MAML3: variants seen among roughly 807,000 people sequenced by gnomAD.
The protein encoded by MAML3 is mastermind-like protein 3.
A neutral mutation model predicts 101.9 loss-of-function variants in MAML3; 27 were observed. The ratio of observed to expected loss-of-function variants is 0.27; its 90% confidence interval spans 0.20 to 0.37. The LOEUF (loss-of-function observed/expected upper bound fraction) is 0.37. MAML3 is among the 10% of genes least tolerant of loss of function. The probability of loss-of-function intolerance (pLI) is 1.00; values close to 1 mark genes in which losing one functional copy is unlikely to be tolerated. For missense variants in MAML3, 1,316 were observed against 1,444.9 expected (o/e 0.91, Z 1.45); for synonymous variants, 501 against 555.9 (o/e 0.90, Z 1.39).
chr4:139,858,452 CTTTTTTTTTT>C (rs59968954), intron 2 of MAML3, among the ~76,000 whole-genome samples: 4 of 131,388 alleles, frequency 3.0e-5, no homozygotes, highest in Non-Finnish European at 4.8e-5. Flanking sequence ...TGATTCTTGG[CTTTTTTTTTT>C]TTTTTTTTTT....
At chr4:139,862,850 T>C (rs1036752787) in intron 2 of MAML3, among the ~76,000 whole-genome samples, 1 of 152,166 alleles carries the variant, frequency 6.6e-6, no homozygotes, top group African/African-American at 2.4e-5. Context: ...CAGGCTGGAT[T>C]TGAACCTTGG....
intron 1 of MAML3, among the ~76,000 whole-genome samples, chr4:140,132,135 T>C (rs1374386505): frequency 2.0e-5 from 3 of 152,222 alleles, no homozygotes; most frequent in Admixed American, 1.3e-4. Flanking sequence ...TACGGACCTC[T>C]TACTGGTACA....
intron 1 of MAML3, among the ~76,000 whole-genome samples, chr4:140,105,105 T>C (rs1728329080): frequency 6.6e-6 from 1 of 152,158 alleles, no homozygotes; most frequent in Admixed American, 6.5e-5. Context: ...TGAAACTCCC[T>C]GACTTAGCTG....
At chr4:140,003,885 C>G (rs1279265516) in intron 1 of MAML3, among the ~76,000 whole-genome samples, 1 of 152,194 alleles carries the variant, frequency 6.6e-6, no homozygotes, top group Non-Finnish European at 1.5e-5. Flanking sequence ...GCTTTAAGTT[C>G]CCACAAGGAA....
intron 1 of MAML3, among the ~76,000 whole-genome samples, chr4:139,958,570 A>G (rs1733952020): frequency 6.6e-6 from 1 of 152,216 alleles, no homozygotes; most frequent in African/African-American, 2.4e-5. Context: ...ATGCTCCATG[A>G]GAGAGGTGGC....
intron 1 of MAML3, among the ~76,000 whole-genome samples, chr4:140,089,423 T>C (rs974781184): frequency 1.3e-5 from 2 of 152,222 alleles, no homozygotes; most frequent in African/African-American, 2.4e-5. Flanking sequence ...TCCAAGTTCA[T>C]GTTCTTTCTT....
At chr4:139,790,790 A>G (rs980479393) in intron 2 of MAML3, among the ~76,000 whole-genome samples, 4 of 152,158 alleles carry the variant, frequency 2.6e-5, no homozygotes, top group Non-Finnish European at 5.9e-5. Context: ...TTATCCACTC[A>G]TCTATTGATG....
chr4:139,873,064 AGAGT>A (rs1732045876), intron 2 of MAML3, among the ~76,000 whole-genome samples: 1 of 152,194 alleles, frequency 6.6e-6, no homozygotes, highest in Non-Finnish European at 1.5e-5. Context: ...CCTGGGAGAC[AGAGT>A]GAGACTCCAT....
chr4:139,739,118 C>G (rs1033989411), intron 2 of MAML3, among the ~76,000 whole-genome samples: 15 of 152,228 alleles, frequency 9.9e-5, no homozygotes, highest in Non-Finnish European at 1.5e-5. Flanking sequence ...CTGAACTCAA[C>G]TGACTAATTG....
At chr4:139,944,198 C>G (rs1018103869) in intron 1 of MAML3, among the ~76,000 whole-genome samples, 29 of 151,756 alleles carry the variant, frequency 1.9e-4, no homozygotes, top group Non-Finnish European at 4.0e-4. Flanking sequence ...TTTTATTATA[C>G]TTTAAGTTTT....
intron 1 of MAML3, among the ~76,000 whole-genome samples, chr4:139,955,259 A>G (rs1733896405): frequency 6.6e-6 from 1 of 152,194 alleles, no homozygotes; most frequent in South Asian, 2.1e-4. Context: ...ATAAAACTTT[A>G]GGTTGATTTG....
chr4:139,755,860 C>T (rs549518700), intron 2 of MAML3, among the ~76,000 whole-genome samples: 1 of 152,134 alleles, frequency 6.6e-6, no homozygotes, highest in South Asian at 2.1e-4. Flanking sequence ...AATAAAAAAA[C>T]CCCCTAACTC....
At chr4:140,130,957 C>G (rs1351297738) in intron 1 of MAML3, among the ~76,000 whole-genome samples, 1 of 151,956 alleles carries the variant, frequency 6.6e-6, no homozygotes. Flanking sequence ...AAGGGAAGAC[C>G]CAGGTTCTAA....
intron 2 of MAML3, among the ~76,000 whole-genome samples, chr4:139,881,618 C>A (rs961753448): frequency 1.3e-5 from 2 of 152,130 alleles, no homozygotes; most frequent in Non-Finnish European, 2.9e-5. Flanking sequence ...AGAAAAGCTT[C>A]TTTTATGAAA....
intron 1 of MAML3, among the ~76,000 whole-genome samples, chr4:140,122,017 G>C (rs1214537399): frequency 1.3e-5 from 2 of 152,106 alleles, no homozygotes; most frequent in Non-Finnish European, 2.9e-5. Flanking sequence ...AGAAGGCTGT[G>C]TTTGCTTCTC....
intron 1 of MAML3, among the ~76,000 whole-genome samples, chr4:140,038,659 T>A (rs1727028694): frequency 6.6e-6 from 1 of 152,150 alleles, no homozygotes; most frequent in African/African-American, 2.4e-5. Context: ...AGCTTCCCCA[T>A]CTGTAAAAGA....
At position 140,153,246 on chromosome 4, in the gene MAML3, C is replaced by T; in HGVS notation, c.82G>A (p.Gly28Arg). The change falls in exon 1 of 5, where the codon GGG becomes AGG. Residue 28 changes from glycine (G) to arginine (R), a missense_variant. Coordinates refer to ENST00000509479, the MANE Select transcript of MAML3 (RefSeq NM_018717.5). ...GTATTATTCACACCGATCCCGGCCC[C>T]GCCGAGGCTGCTGTTCAGGCTACTG... ...INSSLNSSLG[G>R]AGIGVNNTPN... 1.2e-6 allele frequency: 2 copies of T among 1,601,270 alleles called. No homozygotes were observed. The highest frequency in any genetic ancestry group is 1.7e-6 in the Non-Finnish European group (2 of 1,173,904).
chr4:140,107,851 TA>T (rs924608034), intron 1 of MAML3, among the ~76,000 whole-genome samples: 17 of 143,332 alleles, frequency 1.2e-4, no homozygotes, highest in Admixed American at 2.8e-4. Flanking sequence ...CCAGAGTGAT[TA>T]AAAAAAAAAT....
At chr4:140,082,591 C>G (rs1236118637) in intron 1 of MAML3, among the ~76,000 whole-genome samples, 7 of 152,156 alleles carry the variant, frequency 4.6e-5, no homozygotes, top group Admixed American at 4.6e-4. Flanking sequence ...TTTGCAGTCC[C>G]CAGCATACAG....
Sources: gnomAD v4.1 joint callset for allele counts (sites outside exome capture counted in the v4.1 genomes callset) on GRCh38, gnomAD v4.1.1 for gene constraint, MANE v1.5 for transcripts, NCBI Gene and HGNC (gene_info 2026-07-23, HGNC 2026-07-21) for gene names.